SENP7: variants seen among roughly 807,000 people sequenced by gnomAD.
SENP7 encodes SUMO specific peptidase 7, also known as sentrin-specific protease 7.
Under a neutral mutation model 141.2 loss-of-function variants are expected in SENP7, and 64 were observed. The ratio of observed to expected loss-of-function variants is 0.45; its 90% CI spans 0.37 to 0.56. SENP7 has a LOEUF of 0.56. Among genes scored for constraint, SENP7 ranks in the 20% least tolerant of loss-of-function variants. The pLI, the probability that SENP7 is intolerant of heterozygous loss-of-function variation, is 0.00. For missense variants in SENP7, 1,025 were observed against 1,212.2 expected (o/e 0.85, Z 2.29); for synonymous variants, 382 against 426.4 (o/e 0.90, Z 1.28).
intron 1 of SENP7, among the ~76,000 whole-genome samples, chr3:101,502,364 A>C (rs997993421): frequency 6.6e-6 from 1 of 152,188 alleles, no homozygotes; most frequent in African/African-American, 2.4e-5. Context: ...GTGCAATGGC[A>C]CAATCTCGGC....
chr3:101,385,838 A>C (rs4553955), intron 6 of SENP7, among the ~76,000 whole-genome samples: 20,988 of 152,218 alleles, frequency 0.14, 1,478 homozygotes, highest in South Asian at 0.18. Flanking sequence ...AACTGTAAAA[A>C]CTAAAAAAGG....
chr3:101,400,734 C>A (rs2317748), intron 5 of SENP7, among the ~76,000 whole-genome samples: 102,549 of 150,820 alleles, frequency 0.68, 35,339 homozygotes, highest in African/African-American at 0.78. Context: ...TATGCCAATT[C>A]CAGCACTACC....
intron 3 of SENP7, among the ~76,000 whole-genome samples, chr3:101,460,818 C>A (rs1335860550): frequency 6.6e-6 from 1 of 152,046 alleles, no homozygotes; most frequent in African/African-American, 2.4e-5. Context: ...GTATCCAGGT[C>A]AACCACAATG....
intron 10 of SENP7, among the ~76,000 whole-genome samples, chr3:101,364,560 G>A (rs1467324177): frequency 4.6e-5 from 7 of 152,072 alleles, no homozygotes; most frequent in South Asian, 2.1e-4. Flanking sequence ...TTAGTGAAAT[G>A]TCCAATGAAA....
chr3:101,346,086 A>G (rs918496491), intron 13 of SENP7, among the ~76,000 whole-genome samples: 1 of 152,112 alleles, frequency 6.6e-6, no homozygotes, highest in Admixed American at 6.6e-5. Flanking sequence ...AAAAAAACAA[A>G]CCCATCAAAA....
intron 3 of SENP7, among the ~76,000 whole-genome samples, chr3:101,477,244 C>T (rs2064255783): frequency 6.6e-6 from 1 of 152,006 alleles, no homozygotes; most frequent in South Asian, 2.1e-4. Context: ...ATATGAGTAC[C>T]TTTGCAGACC....
chr3:101,398,954 T>G lies in SENP7; in HGVS notation c.584A>C (p.Asn195Thr), dbSNP rs1453587970. 6 of 1,613,888 alleles carry G rather than the reference T, an allele frequency of 3.7e-6. No homozygotes were observed. The highest frequency in any genetic ancestry group is 4.2e-6 in the Non-Finnish European group (5 of 1,179,824). The change falls in exon 6 of 24, where the codon AAC (asparagine) becomes ACC (threonine). Residue 195 changes from asparagine to threonine, a missense_variant. By Grantham distance (65) the Asn-to-Thr change is moderately conservative. Transcript: ENST00000394095. ...TGAAGAAAGTTGCTCTGATTGCAAGTTGTCTGTATCACTCAAACTTCCCTC... is the reference window on the plus strand; with the variant it reads ...TGAAGAAAGTTGCTCTGATTGCAAGGTGTCTGTATCACTCAAACTTCCCTC... ...VTEGSLSDTD[N>T]LQSEQLSSSS...
Position 101,325,811 on chromosome 3 carries a change from A to C in SENP7, c.*132T>G, listed in dbSNP as rs2058885200. 1 of 757,578 alleles carries C rather than the reference A, an allele frequency of 1.3e-6. No homozygotes were observed. Among genetic ancestry groups the C allele is most frequent in the African/African-American group, 1.8e-5 (1 of 55,130 alleles). 46.9% of individuals were successfully genotyped at this position (757,578 alleles called of 1,614,324 possible). ...CTAATAATGTGTCCTACATATTTTA[A>C]ATAATGTTCCAATGACTTATTATAA... On this transcript the variant is annotated 3_prime_UTR_variant, in exon 24 of 24. Coordinates refer to ENST00000394095, the MANE Select transcript of SENP7 (RefSeq NM_020654.5).
At chr3:101,451,043 G>A (rs4264710) in intron 4 of SENP7, among the ~76,000 whole-genome samples, 60,390 of 151,936 alleles carry the variant, frequency 0.4, 12,521 homozygotes, top group Admixed American at 0.54. Flanking sequence ...TATCACCACC[G>A]GTCCCACAGA....
At chr3:101,347,149 G>A (rs1182162056) in intron 13 of SENP7, among the ~76,000 whole-genome samples, 2 of 151,972 alleles carry the variant, frequency 1.3e-5, no homozygotes, top group Non-Finnish European at 2.9e-5. Flanking sequence ...ATGAGCCCAG[G>A]AGTTTGAGGT....
At chr3:101,451,344 G>A (rs890492025) in intron 4 of SENP7, among the ~76,000 whole-genome samples, 2 of 152,106 alleles carry the variant, frequency 1.3e-5, no homozygotes, top group Non-Finnish European at 2.9e-5. Flanking sequence ...GAAAAAGAGG[G>A]AATCCTCCCT....
chr3:101,344,618 G>A (rs531013085), intron 13 of SENP7, among the ~76,000 whole-genome samples: 2 of 152,190 alleles, frequency 1.3e-5, no homozygotes, highest in African/African-American at 4.8e-5. Flanking sequence ...ACTCCTTCAG[G>A]AGCTGGAGAC....
At chr3:101,379,517 C>T (rs2060435292) in intron 6 of SENP7, among the ~76,000 whole-genome samples, 1 of 152,016 alleles carries the variant, frequency 6.6e-6, no homozygotes, top group African/African-American at 2.4e-5. Flanking sequence ...CAAAAGCAGG[C>T]AAAGTACTTG....
chr3:101,359,738 T>G (rs1178177284), intron 11 of SENP7, among the ~76,000 whole-genome samples: 2 of 152,034 alleles, frequency 1.3e-5, no homozygotes, highest in South Asian at 2.1e-4. Flanking sequence ...TTTTAATGTA[T>G]CTATATATGT....
chr3:101,453,209 G>A (rs1410835666), intron 4 of SENP7, among the ~76,000 whole-genome samples: 1 of 152,154 alleles, frequency 6.6e-6, no homozygotes, highest in Non-Finnish European at 1.5e-5. Context: ...TAAAAAGTCA[G>A]GAAACAACAG....
intron 4 of SENP7, among the ~76,000 whole-genome samples, chr3:101,423,875 A>G (rs574045105): frequency 1.4e-4 from 22 of 152,258 alleles, no homozygotes; most frequent in African/African-American, 5.3e-4. Flanking sequence ...AGACCCCTCA[A>G]CCACCACGGA....
In SENP7 at chr3:101,458,991, C is replaced by T. The variant is rs765866688; in HGVS notation, c.248G>A (p.Arg83Gln). 37 of 1,609,990 alleles carry T rather than the reference C, an allele frequency of 2.3e-5. 1 individual carries two copies. The East Asian group carries it at 5.8e-4, about 25-fold the overall frequency. Residue 83 changes from arginine to glutamine, a missense_variant, in exon 4 of 24, where the codon CGA becomes CAA. By Grantham distance (43) the Arg-to-Gln change is conservative. Transcript: ENST00000394095. The part of the protein sequence containing the change: ...SLDHKNKKHI[R>Q]GCPVTSKSSP... ...TGACTTGGAAGTAACAGGACACCCT[C>T]GGATATGTTTTTTATTTTTATGGTC...
rs2059173176 is a variant in SENP7 at position 101,335,934 on chromosome 3, T to A, written c.2480+1575A>T. On this transcript the variant is annotated intron_variant, in intron 17 of 23. Transcript: ENST00000394095. ...TGTCCATCAGGACAAATTCCAAACC[T>A]GTAAAGACACTCAAAATGGAGTTAA... is the stretch of plus-strand genomic sequence containing the variant. Among the ~76,000 whole-genome samples the A allele has an allele frequency of 2.0e-5, 3 of 152,210 alleles. No homozygotes were observed. The South Asian group carries it at 6.2e-4, about 32-fold the overall frequency.
At chr3:101,368,346 A>AAAAG (rs1553703616) in intron 7 of SENP7, among the ~76,000 whole-genome samples, 1 of 151,668 alleles carries the variant, frequency 6.6e-6, no homozygotes, top group Admixed American at 6.6e-5. Flanking sequence ...CAAAAAAAAA[A>AAAAG]GGGGATTAAG....
Sources: allele counts gnomAD v4.1 joint callset (sites outside exome capture counted in the v4.1 genomes callset), GRCh38; gene constraint gnomAD v4.1.1; transcripts MANE v1.5; gene names NCBI Gene and HGNC (gene_info 2026-07-23, HGNC 2026-07-21).